Variants in RBM4 observed in about 807,000 individuals in gnomAD.
RBM4 encodes the protein RNA binding motif protein 4, also known as RNA-binding protein 4.
Under a neutral mutation model 29.5 loss-of-function variants are expected in RBM4, and 7 were observed. The observed-to-expected ratio is 0.24, with a 90% confidence interval of 0.14 to 0.45. RBM4 has a LOEUF of 0.45. Ranked by LOEUF, RBM4 falls within the 20% of genes least tolerant of loss-of-function variation. RBM4 has a pLI of 1.00. For synonymous variants in RBM4, 220 were observed against 205.4 expected, an observed-to-expected ratio of 1.07 and a Z score of -0.61; for missense variants, 387 against 502.3, an observed-to-expected ratio of 0.77 and a Z score of 2.19.
downstream of RBM4, among the ~76,000 whole-genome samples, chr11:66,650,361 G>A (rs1177787400): frequency 6.6e-6 from 1 of 151,956 alleles, no homozygotes; most frequent in African/African-American, 2.4e-5. Flanking sequence ...CCTGAGGTCG[G>A]GAGTTCAAGA....
chr11:66,660,770 C>T (rs935126589), intron 2 of RBM4, among the ~76,000 whole-genome samples: 3 of 152,004 alleles, frequency 2.0e-5, no homozygotes, highest in South Asian at 2.1e-4. Context: ...TCTTCTGCCT[C>T]AGCCTCCCGA....
rs1938582552 is a variant in RBM4, at chr11:66,644,050, C to T, written c.1013C>T (p.Ala338Val). The T allele has an allele frequency of 6.2e-7, 1 of 1,614,018 alleles. No homozygotes were observed. The highest frequency in any genetic ancestry group is 8.5e-7 in the Non-Finnish European group (1 of 1,180,036). The change falls in exon 3 of 4, where the codon GCA (alanine) becomes GTA (valine). Residue 338 changes from alanine (A) to valine (V), a missense_variant. Around this residue, in one of 2 missense-constraint regions of RBM4, gnomAD observed 281 missense variants for 288.7 expected, o/e 0.97. Transcript: ENST00000310092. ...GHESELSQASAAARNSLYDMA... is the reference protein window; with the variant it reads ...GHESELSQASVAARNSLYDMA... ...GAGAGTGAGTTGTCCCAAGCTTCAG[C>T]AGCCGCGCGGAATTCTCTGTACGAC...
chr11:66,649,795 T>C (rs1207718465), downstream of RBM4: 3 of 700,984 alleles, frequency 4.3e-6, no homozygotes, highest in Non-Finnish European at 7.8e-6. Context: ...CACTGTAACT[T>C]TGAACTCCTG....
At chr11:66,642,320 A>G (rs1938502903) in intron 2 of RBM4, among the ~76,000 whole-genome samples, 1 of 152,230 alleles carries the variant, frequency 6.6e-6, no homozygotes, top group African/African-American at 2.4e-5. Context: ...GTTTAGGTGC[A>G]TCATAACCAA....
At chr11:66,652,529 A>T (rs138913355) in intron 2 of RBM4, among the ~76,000 whole-genome samples, 9 of 152,170 alleles carry the variant, frequency 5.9e-5, no homozygotes, top group Non-Finnish European at 1.0e-4. Context: ...AAGCCTTAAT[A>T]TTTGCTTTGT....
At chr11:66,641,962 GAATGTGC>G (rs1299123462) in intron 2 of RBM4, among the ~76,000 whole-genome samples, 1 of 152,144 alleles carries the variant, frequency 6.6e-6, no homozygotes, top group Non-Finnish European at 1.5e-5. Context: ...TTTATGTCTG[GAATGTGC>G]ATAGTTGCTT....
chr11:66,650,415 C>CA (rs1278422219), downstream of RBM4, among the ~76,000 whole-genome samples: 28 of 151,900 alleles, frequency 1.8e-4, 1 homozygote, highest in South Asian at 2.9e-3. Context: ...ACTAAAAACA[C>CA]AAAAAATTAG....
At chr11:66,650,003 C>A (rs1247237246), downstream of RBM4, 1 of 504,650 alleles carries the variant, frequency 2.0e-6, no homozygotes, top group African/African-American at 2.0e-5. Context: ...TCCCTGATTA[C>A]CTGCAATTAG....
At chr11:66,661,143 T>C (rs1435176356) in intron 2 of RBM4, among the ~76,000 whole-genome samples, 1 of 152,190 alleles carries the variant, frequency 6.6e-6, no homozygotes, top group Non-Finnish European at 1.5e-5. Context: ...TTTTCATTCT[T>C]CTCCTGCAAG....
chr11:66,646,257 T>C lies in RBM4; in HGVS notation c.*239T>C, dbSNP rs1938688380. ...ATACTTCTGTAGCTTCCCATTCATG[T>C]TCTCTTCTCCCAGCAGGCCTCATTG... On this transcript the variant is annotated 3_prime_UTR_variant, in exon 4 of 4. Coordinates refer to ENST00000310092, the MANE Select transcript of RBM4 (RefSeq NM_002896.4). 7.1e-7 allele frequency: 1 copy of C among 1,410,602 alleles called. No individual in the cohort carries two copies. The highest frequency in any genetic ancestry group is 2.6e-5 in the East Asian group (1 of 38,534). 87.4% of individuals were successfully genotyped at this position (1,410,602 alleles called of 1,614,324 possible).
At position 66,646,196 on chromosome 11, in the gene RBM4, C is replaced by T; in HGVS notation, c.*178C>T. 6.8e-7 allele frequency: 1 copy of T among 1,468,836 alleles called. No homozygotes were observed. Among genetic ancestry groups the T allele is most frequent in the Non-Finnish European group, 9.0e-7 (1 of 1,111,798 alleles). 91.0% of individuals were successfully genotyped at this position (1,468,836 alleles called of 1,614,324 possible). ...ACCTTCTCTTCCTTTCCTTTCCTTT[C>T]CTCTCCTGCCCATTTTCCTGTTCTT... On this transcript the variant is annotated 3_prime_UTR_variant, in exon 4 of 4. Coordinates refer to ENST00000310092, the MANE Select transcript of RBM4 (RefSeq NM_002896.4).
At chr11:66,647,751 G>A (rs913283036), downstream of RBM4, among the ~76,000 whole-genome samples, 1 of 152,154 alleles carries the variant, frequency 6.6e-6, no homozygotes, top group Non-Finnish European at 1.5e-5. Flanking sequence ...TTTAAGTGTT[G>A]GCGATACATA....
chr11:66,640,260 C>T (rs1389984706), intron 2 of RBM4, 137 bp downstream of exon 2: 3 of 1,176,922 alleles, frequency 2.5e-6, no homozygotes, highest in African/African-American at 1.5e-5. Context: ...GGGTGATGGA[C>T]TTCTTATGAT....
At chr11:66,640,215 A>G (rs1435050866) in intron 2 of RBM4, 92 bp downstream of exon 2, 3 of 1,535,936 alleles carry the variant, frequency 2.0e-6, no homozygotes, top group Admixed American at 3.5e-5. Flanking sequence ...TAAAGATAAC[A>G]GCTGTTGGCT....
downstream of RBM4, among the ~76,000 whole-genome samples, chr11:66,648,898 A>G (rs1938766222): frequency 6.6e-6 from 1 of 151,272 alleles, no homozygotes; most frequent in Non-Finnish European, 1.5e-5. Flanking sequence ...TCTCCCTGTA[A>G]CAGACAATGT....
rs565194100 is a variant in RBM4, at chr11:66,655,294, C to CT, written c.413-10549dup. ...AGCCACTGCACTCGGCACTTCTTTT[C>CT]TTTTTTTTTTTTTGAGACAGGGTCT... On this transcript the variant is annotated intron_variant, in intron 2 of 2. Transcript: ENST00000396053. Among the ~76,000 whole-genome samples the CT allele has an allele frequency of 7.4e-3, 1,058 of 143,810 alleles. 18 individuals carry two copies. The highest frequency in any genetic ancestry group is 0.07 in the East Asian group (348 of 4,946). The allele number at this position is 143,810 out of a possible 152,430, so 94.3% of individuals were successfully genotyped here. A position where few individuals can be genotyped will look rare whatever the true frequency, so the allele number is the denominator to read the frequency against.
At position 66,643,856 on chromosome 11, in the gene RBM4, T is replaced by G; in HGVS notation, c.819T>G (p.Asp273Glu). The G allele has an allele frequency of 6.2e-7, 1 of 1,613,860 alleles. No individual in the cohort carries two copies. The highest frequency in any genetic ancestry group is 8.5e-7 in the Non-Finnish European group (1 of 1,179,958). The stretch of plus-strand genomic sequence containing the variant: ...CCTCCACCTCTCTCGATCCCTACGA[T>G]AGACACCTGTTGCCGACCTCAGGAG... ...HLTSTSLDPYDRHLLPTSGAA... is the reference protein window; with the variant it reads ...HLTSTSLDPYERHLLPTSGAA... Residue 273 changes from aspartate to glutamate, a missense_variant, in exon 3 of 4, where the codon GAT becomes GAG. Asp to Glu is a conservative substitution (Grantham distance 45, BLOSUM62 2). Coordinates refer to ENST00000310092, the MANE Select transcript of RBM4 (RefSeq NM_002896.4). The surrounding 1 kb of genome is among the most constrained non-coding windows in gnomAD (Gnocchi z 6.1).
intron 3 of RBM4, among the ~76,000 whole-genome samples, chr11:66,645,103 C>T (rs999065379): frequency 6.6e-6 from 1 of 152,146 alleles, no homozygotes; most frequent in Admixed American, 6.6e-5. Context: ...CATCTTCTCA[C>T]TAGCTGTTTT....
At chr11:66,665,621 G>C (rs888984731) in intron 2 of RBM4, 1 of 1,535,560 alleles carries the variant, frequency 6.5e-7, no homozygotes, top group African/African-American at 1.4e-5. Context: ...AATGCCTGGA[G>C]AGCAGCCTGG....
Sources: allele counts gnomAD v4.1 joint callset (sites outside exome capture counted in the v4.1 genomes callset), GRCh38; gene constraint gnomAD v4.1.1; regional missense constraint gnomAD v4.1.1; non-coding constraint Gnocchi (gnomAD v3.1); transcripts MANE v1.5; gene names NCBI Gene and HGNC (gene_info 2026-07-23, HGNC 2026-07-21).